BRINP3: variants seen among roughly 807,000 people sequenced by gnomAD.
BRINP3 encodes the protein BMP/retinoic acid inducible neural specific 3, also known as BMP/retinoic acid-inducible neural-specific protein 3.
In BRINP3, 19 loss-of-function variants were observed where a neutral mutation model predicts 71.0. The ratio of observed to expected loss-of-function variants is 0.27; its 90% confidence interval spans 0.19 to 0.39. The LOEUF is 0.39. BRINP3 is among the 10% of genes least tolerant of loss of function. BRINP3 has a pLI of 1.00. For synonymous variants in BRINP3, 380 were observed against 337.7 expected, an observed-to-expected ratio of 1.13 and a Z score of -1.37; for missense variants, 959 against 940.8, an observed-to-expected ratio of 1.02 and a Z score of -0.25.
rs1654738752 is a variant in BRINP3, at chr1:190,198,905, C to T, written c.961+27177G>A. 1.3e-5 allele frequency among the ~76,000 whole-genome samples: 2 copies of T among 152,132 alleles called. 1 individual carries two copies. Among genetic ancestry groups the T allele is most frequent in the South Asian group, 4.1e-4 (2 of 4,832 alleles). ...TTTTTTGATATCTTAACAGCAGCAC[C>T]CTACTCTTAGCACCAATTTACTGTG... On this transcript the variant is annotated intron_variant, in intron 6 of 7. Transcript: ENST00000367462.
At chr1:190,314,183 G>T (rs945367912) in intron 2 of BRINP3, among the ~76,000 whole-genome samples, 16 of 151,962 alleles carry the variant, frequency 1.1e-4, no homozygotes, top group South Asian at 6.2e-4. Flanking sequence ...ACCAAAAATT[G>T]TAATTTTTTA....
chr1:190,352,542 A>C (rs1399057144), intron 2 of BRINP3, among the ~76,000 whole-genome samples: 1 of 152,032 alleles, frequency 6.6e-6, no homozygotes, highest in East Asian at 1.9e-4. Flanking sequence ...AAAAATAGAG[A>C]GATTGAAGCT....
rs1377468740 is a variant in BRINP3 at position 190,221,519 on chromosome 1, C to T, written c.961+4563G>A. On this transcript the variant is annotated intron_variant, in intron 6 of 7. Transcript: ENST00000367462. Reference sequence around the variant, plus strand: ...GTAAGAAGAGAAGAAGAGACTAAAACGAACCAGAAAACAAGCCACAAAATG... The same window carrying T: ...GTAAGAAGAGAAGAAGAGACTAAAATGAACCAGAAAACAAGCCACAAAATG... Among the ~76,000 whole-genome samples the T allele has an allele frequency of 2.6e-5, 4 of 151,940 alleles. No homozygotes were observed. The East Asian group carries it at 5.8e-4, about 22-fold the overall frequency.
At chr1:190,197,950 A>G (rs964889444) in intron 6 of BRINP3, among the ~76,000 whole-genome samples, 1 of 152,090 alleles carries the variant, frequency 6.6e-6, no homozygotes, top group Admixed American at 6.6e-5. Flanking sequence ...CCATCCCTGC[A>G]GCATACCTCT....
chr1:190,353,271 AGGT>A (rs982171078), intron 2 of BRINP3, among the ~76,000 whole-genome samples: 57 of 152,138 alleles, frequency 3.7e-4, no homozygotes, highest in African/African-American at 1.3e-3. Context: ...AAGAGCCAAA[AGGT>A]TACCATCTTT....
chr1:190,192,841 A>T (rs747383946), intron 6 of BRINP3, among the ~76,000 whole-genome samples: 1 of 152,164 alleles, frequency 6.6e-6, no homozygotes, highest in Non-Finnish European at 1.5e-5. Flanking sequence ...GAACTGATGT[A>T]ACTGAATTAC....
chr1:190,119,249 TTTTA>T (rs1016933061), intron 7 of BRINP3, among the ~76,000 whole-genome samples: 13 of 148,522 alleles, frequency 8.8e-5, no homozygotes, highest in African/African-American at 2.5e-5. Flanking sequence ...TTTCCATCTG[TTTTA>T]TTTTTCATTT....
chr1:190,203,005 A>G (rs1571349621), intron 6 of BRINP3, among the ~76,000 whole-genome samples: 1 of 152,108 alleles, frequency 6.6e-6, no homozygotes, highest in Non-Finnish European at 1.5e-5. Flanking sequence ...GGTTATTGTA[A>G]TAATAAACAT....
At chr1:190,182,619 A>C (rs896323621) in intron 6 of BRINP3, among the ~76,000 whole-genome samples, 1 of 152,148 alleles carries the variant, frequency 6.6e-6, no homozygotes, top group Non-Finnish European at 1.5e-5. Flanking sequence ...TGTTCAGCTC[A>C]GCGAGGTAAT....
rs1453973553 is a variant in BRINP3 at position 190,123,507 on chromosome 1, T to A, written c.1185-24373A>T. Among the ~76,000 whole-genome samples, 7 of 152,122 alleles carry A rather than the reference T, an allele frequency of 4.6e-5. No homozygotes were observed. The East Asian group carries it at 5.8e-4, about 13-fold the overall frequency. ...TCCATTCAGGTTCTAAATTTTATTG[T>A]CTCATTATTTTCAATGTCTGTAAGT... On this transcript the variant is annotated intron_variant, in intron 7 of 7. Coordinates refer to ENST00000367462, the MANE Select transcript of BRINP3 (RefSeq NM_199051.3).
intron 2 of BRINP3, among the ~76,000 whole-genome samples, chr1:190,360,735 C>T (rs1669089193): frequency 6.6e-6 from 1 of 151,882 alleles, no homozygotes; most frequent in Admixed American, 6.6e-5. Flanking sequence ...CAATCTATTC[C>T]CAGCTGTGTT....
At chr1:190,127,322 T>C (rs1318974886) in intron 7 of BRINP3, among the ~76,000 whole-genome samples, 1 of 151,870 alleles carries the variant, frequency 6.6e-6, no homozygotes, top group Non-Finnish European at 1.5e-5. Context: ...TGGTCAATAA[T>C]ATAATTTGAA....
intron 6 of BRINP3, among the ~76,000 whole-genome samples, chr1:190,216,575 A>G (rs556158272): frequency 3.3e-5 from 5 of 151,870 alleles, no homozygotes; most frequent in Non-Finnish European, 7.4e-5. Flanking sequence ...TGCAGGCTGT[A>G]ACAGGTGGGT....
chr1:190,316,194 T>C (rs1306251577), intron 2 of BRINP3, among the ~76,000 whole-genome samples: 1 of 152,154 alleles, frequency 6.6e-6, no homozygotes, highest in Non-Finnish European at 1.5e-5. Context: ...GTTGACTTTA[T>C]TTTGTTACTG....
chr1:190,215,313 G>T (rs1313081747), intron 6 of BRINP3, among the ~76,000 whole-genome samples: 1 of 151,670 alleles, frequency 6.6e-6, no homozygotes, highest in Admixed American at 6.6e-5. Flanking sequence ...CTTAAATGTA[G>T]GTTTTACTCC....
chr1:190,312,596 C>T (rs973344265), intron 2 of BRINP3, among the ~76,000 whole-genome samples: 20 of 151,562 alleles, frequency 1.3e-4, no homozygotes, highest in African/African-American at 2.4e-4. Flanking sequence ...TATCAATATT[C>T]GCAGGCTTTC....
chr1:190,391,079 G>A (rs1374253665), intron 2 of BRINP3, among the ~76,000 whole-genome samples: 2 of 151,796 alleles, frequency 1.3e-5, no homozygotes, highest in Non-Finnish European at 2.9e-5. Context: ...CAGTTATGGG[G>A]AGAATTGGTC....
chr1:190,210,886 C>A (rs892599064), intron 6 of BRINP3, among the ~76,000 whole-genome samples: 4 of 152,060 alleles, frequency 2.6e-5, no homozygotes, highest in Admixed American at 6.6e-5. Context: ...CAGAAGAATG[C>A]GGAAGGACTA....
At chr1:190,219,397 A>T (rs6677182) in intron 6 of BRINP3, among the ~76,000 whole-genome samples, 2,293 of 152,268 alleles carry the variant, frequency 0.015, 72 homozygotes, top group African/African-American at 0.051. Context: ...GAGAAATTTA[A>T]CAAAGATATT....
Sources: gnomAD v4.1 joint callset for allele counts (sites outside exome capture counted in the v4.1 genomes callset) on GRCh38, gnomAD v4.1.1 for gene constraint, MANE v1.5 for transcripts, NCBI Gene and HGNC (gene_info 2026-07-23, HGNC 2026-07-21) for gene names.